Variants in NRG1 observed in about 807,000 individuals in gnomAD.
NRG1 encodes neuregulin 1, also known as pro-neuregulin-1, membrane-bound isoform.
In NRG1, 18 loss-of-function variants were observed where a neutral mutation model predicts 63.8. The ratio of observed to expected loss-of-function variants is 0.28; its 90% CI spans 0.19 to 0.42. The LOEUF is 0.42. Among genes scored for constraint, NRG1 ranks in the 10% least tolerant of loss-of-function variants. NRG1 has a pLI of 1.00. For synonymous variants in NRG1, 302 were observed against 301.3 expected, an observed-to-expected ratio of 1.00 and a Z score of -0.02; for missense variants, 762 against 814.7, an observed-to-expected ratio of 0.94 and a Z score of 0.79.
At chr8:32,550,417 A>G (rs1179846331) in intron 1 of NRG1, among the ~76,000 whole-genome samples, 1 of 152,132 alleles carries the variant, frequency 6.6e-6, no homozygotes, top group Non-Finnish European at 1.5e-5. Context: ...AAATCGTTGT[A>G]AAGAGTTATT....
intron 1 of NRG1, among the ~76,000 whole-genome samples, chr8:32,268,756 C>A (rs1285137319): frequency 2.0e-5 from 3 of 152,122 alleles, no homozygotes; most frequent in African/African-American, 7.2e-5. Flanking sequence ...ACACATTATG[C>A]ACTGGATTTT....
intron 1 of NRG1, among the ~76,000 whole-genome samples, chr8:31,801,016 A>ATT (rs35832985): frequency 6.8e-6 from 1 of 146,262 alleles, no homozygotes; most frequent in Non-Finnish European, 1.5e-5. Flanking sequence ...ATTTTTTTGT[A>ATT]TTTTTTTTTT....
At chr8:31,920,960 A>G (rs1833862819) in intron 1 of NRG1, among the ~76,000 whole-genome samples, 3 of 152,126 alleles carry the variant, frequency 2.0e-5, no homozygotes, top group South Asian at 2.1e-4. Context: ...TATTTTCATA[A>G]TATTTCAAAA....
intron 1 of NRG1, among the ~76,000 whole-genome samples, chr8:31,702,021 A>G (rs1473839326): frequency 6.6e-6 from 1 of 152,208 alleles, no homozygotes; most frequent in African/African-American, 2.4e-5. Flanking sequence ...AAAGTGTTTT[A>G]GGAAGCTTAC....
At chr8:32,454,894 AT>A (rs1400224682) in intron 1 of NRG1, among the ~76,000 whole-genome samples, 1 of 152,012 alleles carries the variant, frequency 6.6e-6, no homozygotes, top group African/African-American at 2.4e-5. Context: ...CATGTATAAC[AT>A]TTTTTTGTCT....
intron 1 of NRG1, among the ~76,000 whole-genome samples, chr8:31,897,341 A>C (rs1213419503): frequency 6.6e-6 from 1 of 152,148 alleles, no homozygotes; most frequent in Non-Finnish European, 1.5e-5. Flanking sequence ...TGTTTATAGC[A>C]ATAAGATACC....
chr8:32,167,440 A>G (rs961985562), intron 1 of NRG1, among the ~76,000 whole-genome samples: 1 of 152,192 alleles, frequency 6.6e-6, no homozygotes, highest in Non-Finnish European at 1.5e-5. Flanking sequence ...CATATAACCC[A>G]TTTTGGTTGA....
intron 1 of NRG1, among the ~76,000 whole-genome samples, chr8:32,327,489 T>G (rs570139896): frequency 6.6e-6 from 1 of 152,320 alleles, no homozygotes; most frequent in South Asian, 2.1e-4. Flanking sequence ...GATGGCCTAT[T>G]TTAAGGGAGA....
intron 1 of NRG1, among the ~76,000 whole-genome samples, chr8:32,335,418 C>T (rs1040131923): frequency 6.6e-6 from 1 of 152,170 alleles, no homozygotes; most frequent in Non-Finnish European, 1.5e-5. Context: ...AGGCAGTGCT[C>T]CTCGAGCTTT....
rs537159730 is a variant in NRG1 at position 32,138,382 on chromosome 8, A to G, written c.38-457446A>G. Among the ~76,000 whole-genome samples the G allele has an allele frequency of 3.3e-5, 5 of 151,970 alleles. No homozygotes were observed. In the South Asian group the frequency reaches 6.2e-4, roughly 19 times the overall value. On this transcript the variant is annotated intron_variant, in intron 1 of 10. Transcript: ENST00000519301. ...TCCTTCAAGCAGGGGAATACAAACA[A>G]AGCATTTTTCTCCCAAAACACAAGT...
At chr8:31,737,392 T>C (rs1814790373) in intron 1 of NRG1, among the ~76,000 whole-genome samples, 1 of 152,140 alleles carries the variant, frequency 6.6e-6, no homozygotes, top group South Asian at 2.1e-4. Flanking sequence ...CTGCATCATC[T>C]ACCTGACTGT....
Position 32,196,851 on chromosome 8 carries a change from T to C in NRG1, c.38-398977T>C, listed in dbSNP as rs1193483113. Among the ~76,000 whole-genome samples the C allele has an allele frequency of 5.3e-5, 8 of 151,824 alleles. 1 individual carries two copies. Among genetic ancestry groups the C allele is most frequent in the Admixed American group, 3.9e-4 (6 of 15,198 alleles). ...GATATTATTCTATTTCATCTTTTTTTATATGTTTGCTCCCTTGAGTGTTTT... is the reference window on the plus strand; with the variant it reads ...GATATTATTCTATTTCATCTTTTTTCATATGTTTGCTCCCTTGAGTGTTTT... On this transcript the variant is annotated intron_variant, in intron 1 of 10. Coordinates refer to the NRG1 transcript ENST00000519301.
intron 1 of NRG1, among the ~76,000 whole-genome samples, chr8:32,141,364 T>A (rs1288299152): frequency 6.6e-6 from 1 of 151,748 alleles, no homozygotes; most frequent in East Asian, 1.9e-4. Flanking sequence ...TATTAGTAGG[T>A]TAGTTAGTAT....
chr8:32,412,681 T>C (rs796287496), intron 1 of NRG1, among the ~76,000 whole-genome samples: 25 of 151,862 alleles, frequency 1.6e-4, no homozygotes, highest in African/African-American at 5.8e-4. Context: ...GGATAGCTTG[T>C]TGCTCCCAGA....
At chr8:31,958,499 T>C (rs945718517) in intron 1 of NRG1, among the ~76,000 whole-genome samples, 5 of 152,168 alleles carry the variant, frequency 3.3e-5, no homozygotes, top group Non-Finnish European at 5.9e-5. Flanking sequence ...GTACAAGATG[T>C]AGACTTGCTT....
At chr8:32,122,777 C>T (rs59380319) in intron 1 of NRG1, among the ~76,000 whole-genome samples, 4,905 of 151,718 alleles carry the variant, frequency 0.032, 293 homozygotes, top group African/African-American at 0.11. Flanking sequence ...CTCCCCGCTC[C>T]CCCCACCCCA....
chr8:32,606,583 T>C (rs898251869), intron 3 of NRG1, among the ~76,000 whole-genome samples: 7 of 152,108 alleles, frequency 4.6e-5, no homozygotes, highest in Admixed American at 2.6e-4. Context: ...CTATAGGAGC[T>C]GATGATGATG....
chr8:32,557,307 A>G (rs1835382583), intron 1 of NRG1, among the ~76,000 whole-genome samples: 2 of 152,130 alleles, frequency 1.3e-5, no homozygotes, highest in South Asian at 4.1e-4. Context: ...GCGCCCAGCA[A>G]GTAGGCATTG....
intron 1 of NRG1, among the ~76,000 whole-genome samples, chr8:32,013,682 G>T (rs1563679957): frequency 6.6e-6 from 1 of 152,022 alleles, no homozygotes; most frequent in Non-Finnish European, 1.5e-5. Flanking sequence ...CCATAGATTT[G>T]GAAACCCTGT....
Sources: gnomAD v4.1 joint callset for allele counts (sites outside exome capture counted in the v4.1 genomes callset) on GRCh38, gnomAD v4.1.1 for gene constraint, MANE v1.5 for transcripts, NCBI Gene and HGNC (gene_info 2026-07-23, HGNC 2026-07-21) for gene names.